The following CTNNA3 variants were observed in gnomAD, a reference collection of about 807,000 sequenced individuals.
CTNNA3 encodes catenin alpha-3.
In CTNNA3, 76 loss-of-function variants were observed where a neutral mutation model predicts 95.7. The observed-to-expected ratio is 0.79, with a 90% CI of 0.66 to 0.96. CTNNA3 has a LOEUF of 0.96. Ranked by LOEUF, CTNNA3 falls within the 40% of genes least tolerant of loss-of-function variation. The pLI is 0.00. For synonymous variants in CTNNA3, 431 were observed against 374.4 expected, an observed-to-expected ratio of 1.15 and a Z score of -1.74; for missense variants, 1,191 against 1,089.8, an observed-to-expected ratio of 1.09 and a Z score of -1.31.
At position 66,127,995 on chromosome 10, in the gene CTNNA3, CTG is replaced by C. The variant is rs1263265592; in HGVS notation, c.1885-24748_1885-24747del. 2.0e-5 allele frequency among the ~76,000 whole-genome samples: 3 copies of C among 152,108 alleles called. No individual in the cohort carries two copies. In the East Asian group the frequency reaches 5.8e-4, roughly 29 times the overall value. On this transcript the variant is annotated intron_variant, in intron 13 of 17. Transcript: ENST00000433211. Reference sequence around the variant, plus strand: ...GCTGAGGCAGGAGAATCGCTTGAAACTGGGAGGCAGAGGTTGCAGTGAGCTGA... The same window carrying C: ...GCTGAGGCAGGAGAATCGCTTGAAACGGAGGCAGAGGTTGCAGTGAGCTGA...
rs139733811 is a variant in CTNNA3, at chr10:67,685,530, T to G, written c.-6+10470A>C. Among the ~76,000 whole-genome samples the G allele has an allele frequency of 3.0e-3, 450 of 152,318 alleles. 4 individuals carry two copies. Among genetic ancestry groups the G allele is most frequent in the African/African-American group, 0.01 (426 of 41,574 alleles). ...CCTTTGTATGGTAATTAATTATGAT[T>G]TAGATCCCCTGTTAGGAAACTTGCT... is the stretch of plus-strand genomic sequence containing the variant. On this transcript the variant is annotated intron_variant, in intron 1 of 17. Coordinates refer to ENST00000433211, the MANE Select transcript of CTNNA3 (RefSeq NM_013266.4).
intron 14 of CTNNA3, among the ~76,000 whole-genome samples, chr10:66,099,734 C>T (rs1244011707): frequency 1.3e-5 from 2 of 152,194 alleles, no homozygotes; most frequent in East Asian, 1.9e-4. Flanking sequence ...TGTGTCTTCC[C>T]CTTGTCAGAC....
Position 66,103,263 on chromosome 10 carries a change from G to A in CTNNA3, c.1885-14C>T, listed in dbSNP as rs1358493570. On this transcript the variant is annotated splice_polypyrimidine_tract_variant and intron_variant, in intron 13 of 17. Coordinates refer to ENST00000433211, the MANE Select transcript of CTNNA3 (RefSeq NM_013266.4). ...TTCCTCTGGGGTCTATAAAAAGAAA[G>A]CAAAACATTGCTAGTGGGAATGTAA... is the stretch of plus-strand genomic sequence containing the variant. 26 of 1,589,774 alleles carry A rather than the reference G, an allele frequency of 1.6e-5. No individual in the cohort carries two copies. The highest frequency in any genetic ancestry group is 2.2e-5 in the Non-Finnish European group (26 of 1,157,940).
At chr10:66,733,615 T>TA (rs962043878) in intron 9 of CTNNA3, among the ~76,000 whole-genome samples, 4 of 151,560 alleles carry the variant, frequency 2.6e-5, no homozygotes, top group Admixed American at 6.6e-5. Context: ...ATACTCCATC[T>TA]AAAAAAAATG....
At chr10:66,737,901 CCCG>C (rs1254199459) in intron 9 of CTNNA3, among the ~76,000 whole-genome samples, 1 of 152,120 alleles carries the variant, frequency 6.6e-6, no homozygotes, top group Non-Finnish European at 1.5e-5. Flanking sequence ...TTGTGATCTG[CCCG>C]CCTTGGCCTC....
intron 12 of CTNNA3, among the ~76,000 whole-genome samples, chr10:66,331,484 G>A (rs560769348): frequency 6.7e-5 from 10 of 150,222 alleles, no homozygotes; most frequent in Non-Finnish European, 1.3e-4. Flanking sequence ...CTCCCGTGTA[G>A]CTGGGACTAC....
chr10:66,020,222 A>T lies in CTNNA3; in HGVS notation c.2160-31425T>A, dbSNP rs116139980. Among the ~76,000 whole-genome samples, 1,074 of 152,356 alleles carry T rather than the reference A, an allele frequency of 7.0e-3. 9 individuals carry two copies. The highest frequency in any genetic ancestry group is 0.025 in the African/African-American group (1,027 of 41,582). ...TGGGATAAAGGCATCCCTTGCATGC[A>T]TCTATCCCAGGAAGCTAAGTGCAAA... is the stretch of plus-strand genomic sequence containing the variant. On this transcript the variant is annotated intron_variant, in intron 15 of 17. Transcript: ENST00000433211.
intron 7 of CTNNA3, among the ~76,000 whole-genome samples, chr10:67,092,366 G>A (rs1857698452): frequency 1.3e-5 from 2 of 152,040 alleles, no homozygotes; most frequent in Admixed American, 1.3e-4. Context: ...AAACTAGAGA[G>A]AGAATTCTAG....
intron 7 of CTNNA3, among the ~76,000 whole-genome samples, chr10:66,798,517 C>T (rs554195408): frequency 6.6e-6 from 1 of 151,494 alleles, no homozygotes; most frequent in South Asian, 2.1e-4. Context: ...GCCAATGCCA[C>T]TATTTTAGTT....
At chr10:67,587,012 C>T (rs1842648516) in intron 3 of CTNNA3, among the ~76,000 whole-genome samples, 1 of 151,972 alleles carries the variant, frequency 6.6e-6, no homozygotes, top group South Asian at 2.1e-4. Context: ...ATGTCCTTTT[C>T]CTTTCAAGTT....
chr10:65,987,673 A>G (rs994877563), intron 16 of CTNNA3, among the ~76,000 whole-genome samples: 1 of 152,060 alleles, frequency 6.6e-6, no homozygotes, highest in Non-Finnish European at 1.5e-5. Context: ...CCAGCAATCC[A>G]TTACTGGGTA....
chr10:66,173,488 C>A (rs1193975678), intron 13 of CTNNA3, among the ~76,000 whole-genome samples: 1 of 151,796 alleles, frequency 6.6e-6, no homozygotes, highest in Non-Finnish European at 1.5e-5. Context: ...AGTTTGAGAC[C>A]AGCCTGGGCA....
intron 3 of CTNNA3, among the ~76,000 whole-genome samples, chr10:67,556,264 C>G (rs540534814): frequency 4.2e-4 from 64 of 152,230 alleles, no homozygotes; most frequent in Admixed American, 3.2e-3. Context: ...TGATGCTGGC[C>G]TCATAAAATG....
intron 13 of CTNNA3, among the ~76,000 whole-genome samples, chr10:66,199,085 T>C (rs905789594): frequency 2.6e-5 from 4 of 152,094 alleles, no homozygotes; most frequent in Admixed American, 6.6e-5. Flanking sequence ...ATAATGTTCC[T>C]TGATGCTAAC....
At chr10:67,740,252 A>G (rs1187306420) in intron 1 of CTNNA3, among the ~76,000 whole-genome samples, 8 of 152,206 alleles carry the variant, frequency 5.3e-5, no homozygotes, top group South Asian at 4.2e-4. Context: ...GCATGGGCAA[A>G]GACTTCATGT....
rs548640353 is a variant in CTNNA3, at chr10:66,392,000, A to G, written c.1532-12648T>C. On this transcript the variant is annotated intron_variant, in intron 11 of 17. Coordinates refer to ENST00000433211, the MANE Select transcript of CTNNA3 (RefSeq NM_013266.4). ...GCTTCTGTAAGATAACAGAGGAGAA[A>G]CTCTAGGTGATCTTGGGTTTGGCAA... Among the ~76,000 whole-genome samples, 6 of 152,164 alleles carry G rather than the reference A, an allele frequency of 3.9e-5. No individual in the cohort carries two copies. In the South Asian group the frequency reaches 1.2e-3, roughly 32 times the overall value.
intron 11 of CTNNA3, among the ~76,000 whole-genome samples, chr10:66,383,311 A>G (rs983548413): frequency 3.9e-5 from 6 of 152,226 alleles, no homozygotes; most frequent in Non-Finnish European, 8.8e-5. Flanking sequence ...ACAAGCTTCA[A>G]TAGCAGATTC....
intron 7 of CTNNA3, among the ~76,000 whole-genome samples, chr10:66,880,847 C>T (rs1245159189): frequency 6.6e-6 from 1 of 152,128 alleles, no homozygotes; most frequent in Non-Finnish European, 1.5e-5. Context: ...AGTAGAACTA[C>T]ACGTAACCCT....
At chr10:66,492,919 A>G (rs1839974086) in intron 11 of CTNNA3, among the ~76,000 whole-genome samples, 1 of 152,094 alleles carries the variant, frequency 6.6e-6, no homozygotes, top group South Asian at 2.1e-4. Context: ...CTGTCATCTG[A>G]TTTCTCACCA....
Sources: gnomAD v4.1 joint callset for allele counts (sites outside exome capture counted in the v4.1 genomes callset) on GRCh38, gnomAD v4.1.1 for gene constraint, MANE v1.5 for transcripts, NCBI Gene and HGNC (gene_info 2026-07-23, HGNC 2026-07-21) for gene names.